Variants in ANKRD28 observed in about 807,000 individuals in gnomAD.
ANKRD28 encodes ankyrin repeat domain 28.
Under a neutral mutation model 126.5 loss-of-function variants are expected in ANKRD28, and 44 were observed. The ratio of observed to expected loss-of-function variants is 0.35; its 90% CI spans 0.27 to 0.45. The LOEUF is 0.45. ANKRD28 is among the 20% of genes least tolerant of loss of function. ANKRD28 has a pLI of 1.00. For synonymous variants in ANKRD28, 442 were observed against 468.5 expected (o/e 0.94, Z 0.73); for missense variants, 1,110 against 1,316.6 (o/e 0.84, Z 2.43).
chr3:15,814,593 C>T lies in ANKRD28; in HGVS notation c.28-19287G>A, dbSNP rs1280234819. On this transcript the variant is annotated intron_variant, in intron 1 of 27. Transcript: ENST00000399451. The surrounding 1 kb of genome is among the most constrained non-coding windows in gnomAD (Gnocchi z 4.7). ...AAGTGGTGTTTGTTTCTTAGAATTC[C>T]TAGCAACAAGTCATTCTCATAAATC... Among the ~76,000 whole-genome samples, 1 of 151,838 alleles carries T rather than the reference C, an allele frequency of 6.6e-6. No individual in the cohort carries two copies. Among genetic ancestry groups the T allele is most frequent in the African/African-American group, 2.4e-5 (1 of 41,364 alleles).
chr3:15,698,552 C>T (rs1440600161), intron 14 of ANKRD28, among the ~76,000 whole-genome samples: 1 of 152,180 alleles, frequency 6.6e-6, no homozygotes, highest in Non-Finnish European at 1.5e-5. Context: ...TCTCAGGATA[C>T]AAAATCAATG....
intron 4 of ANKRD28, among the ~76,000 whole-genome samples, chr3:15,742,967 G>A (rs1190541390): frequency 1.3e-5 from 2 of 151,844 alleles, no homozygotes; most frequent in Non-Finnish European, 2.9e-5. Flanking sequence ...TGAGAAATCG[G>A]ATGGTTGCCA....
At chr3:15,809,958 A>C (rs1482575433) in intron 1 of ANKRD28, among the ~76,000 whole-genome samples, 1 of 152,158 alleles carries the variant, frequency 6.6e-6, no homozygotes, top group Non-Finnish European at 1.5e-5. Context: ...TCTGCCTAGC[A>C]CATCCCCCTC....
At chr3:15,796,384 A>G in intron 1 of ANKRD28, 21 bp downstream of exon 1, 1 of 1,266,918 alleles carries the variant, frequency 7.9e-7, no homozygotes, top group Non-Finnish European at 1.0e-6. Flanking sequence ...TATAGTAAAC[A>G]TATAAACTTA....
intron 2 of ANKRD28, among the ~76,000 whole-genome samples, chr3:15,773,502 G>A (rs1449006649): frequency 6.6e-6 from 1 of 152,142 alleles, no homozygotes; most frequent in African/African-American, 2.4e-5. Flanking sequence ...GTGTGCGCCT[G>A]TAATCCCAGT....
At position 15,814,163 on chromosome 3, in the gene ANKRD28, A is replaced by T; in HGVS notation, c.28-18857T>A. 1.4e-6 allele frequency: 1 copy of T among 717,558 alleles called. No individual in the cohort carries two copies. The allele number at this position is 717,558 out of a possible 1,614,324, so 44.4% of individuals were successfully genotyped here. A position where few individuals can be genotyped will look rare whatever the true frequency, so the allele number is the denominator to read the frequency against. The stretch of plus-strand genomic sequence containing the variant: ...TATGTATGAAAGCTAAGTTACAAGG[A>T]GGCTTAAACAGCAACAAACTAACAA... On this transcript the variant is annotated intron_variant, in intron 1 of 27. Coordinates refer to the ANKRD28 transcript ENST00000399451. The surrounding 1 kb of genome is among the most constrained non-coding windows in gnomAD (Gnocchi z 4.7).
intron 6 of ANKRD28, 32 bp downstream of exon 6, chr3:15,735,375 TATA>T (rs746184144): frequency 4.8e-6 from 7 of 1,459,088 alleles, no homozygotes; most frequent in Non-Finnish European, 5.6e-6. Flanking sequence ...TTTCTAAATA[TATA>T]ATATCAAAAA....
chr3:15,815,488 G>A lies in ANKRD28; in HGVS notation c.28-20182C>T, dbSNP rs2060814046. On this transcript the variant is annotated intron_variant, in intron 1 of 27. Transcript: ENST00000399451. This position sits in a 1 kb window ranked among gnomAD's most constrained non-coding sequence, Gnocchi z 4.1. ...ATTTTTTAATTTGTTTGTAGAGATG[G>A]GGTCTCATTATGTTGCCTAGGCTGG... Among the ~76,000 whole-genome samples the A allele has an allele frequency of 6.6e-6, 1 of 152,022 alleles. No homozygotes were observed. The highest frequency in any genetic ancestry group is 6.6e-5 in the Admixed American group (1 of 15,256).
At chr3:15,858,420 G>C (rs1301538985) in intron 1 of ANKRD28, among the ~76,000 whole-genome samples, 2 of 152,134 alleles carry the variant, frequency 1.3e-5, no homozygotes, top group South Asian at 2.1e-4. Flanking sequence ...AGAATTTAAG[G>C]TGCAATCTTT....
At chr3:15,823,718 C>A (rs1325743113) in intron 1 of ANKRD28, among the ~76,000 whole-genome samples, 1 of 152,100 alleles carries the variant, frequency 6.6e-6, no homozygotes, top group Non-Finnish European at 1.5e-5. Context: ...GAATTGTAGA[C>A]CATGTCCAAG....
Position 15,737,035 on chromosome 3 carries a change from C to A in ANKRD28, c.550G>T (p.Glu184Ter). 1.2e-6 allele frequency: 2 copies of A among 1,613,930 alleles called. No homozygotes were observed. The highest frequency in any genetic ancestry group is 1.7e-6 in the Non-Finnish European group (2 of 1,179,852). ...LHHAAFSGHG[E>*]MVKLLLSRGA... ...TGGTCTAATTGAATGCCACCTACCTCACCATGTCCACTGAAAGCTGCATGA... is the reference window on the plus strand; with the variant it reads ...TGGTCTAATTGAATGCCACCTACCTAACCATGTCCACTGAAAGCTGCATGA... The change falls in exon 5 of 28, where the codon GAG (glutamate) becomes TAG (stop). Residue 184 changes from glutamate (E) to a stop codon, truncating the protein, a stop_gained and splice_region_variant. Coordinates refer to ENST00000683139, the MANE Select transcript of ANKRD28 (RefSeq NM_001349278.2). LOFTEE classifies it high-confidence loss of function.
At chr3:15,742,264 C>T (rs2057098320) in intron 4 of ANKRD28, among the ~76,000 whole-genome samples, 1 of 151,516 alleles carries the variant, frequency 6.6e-6, no homozygotes, top group Non-Finnish European at 1.5e-5. Flanking sequence ...GCGTCTCTGC[C>T]CGGCCGCCAT....
Position 15,725,483 on chromosome 3 carries a change from G to C in ANKRD28, c.641-959C>G, listed in dbSNP as rs1367156228. Among the ~76,000 whole-genome samples, 4 of 152,104 alleles carry C rather than the reference G, an allele frequency of 2.6e-5. No homozygotes were observed. The East Asian group carries it at 7.7e-4, about 29-fold the overall frequency. ...CTAATGCTGGCATACCATATTGTAT[G>C]TACTTTGCTTTATTGTGCTTTGCAA... On this transcript the variant is annotated intron_variant, in intron 6 of 27. Coordinates refer to ENST00000683139, the MANE Select transcript of ANKRD28 (RefSeq NM_001349278.2).
In ANKRD28 at chr3:15,838,564, G is replaced by A. The variant is rs181630884; in HGVS notation, c.27+20813C>T. Reference sequence around the variant, plus strand: ...GACCAGCCTCCAGCCTGGCCAACATGGTGAAACCCCATTTCTACTAAAAAT... The same window carrying A: ...GACCAGCCTCCAGCCTGGCCAACATAGTGAAACCCCATTTCTACTAAAAAT... On this transcript the variant is annotated intron_variant, in intron 1 of 27. Transcript: ENST00000399451. The surrounding 1 kb of genome is among the most constrained non-coding windows in gnomAD (Gnocchi z 4.0). 2.7e-3 allele frequency among the ~76,000 whole-genome samples: 414 copies of A among 152,122 alleles called. 4 individuals are homozygous for A. Among genetic ancestry groups the A allele is most frequent in the African/African-American group, 8.7e-3 (360 of 41,512 alleles).
chr3:15,806,091 C>T (rs1172185040), intron 1 of ANKRD28, among the ~76,000 whole-genome samples: 2 of 152,180 alleles, frequency 1.3e-5, no homozygotes, highest in Non-Finnish European at 2.9e-5. Flanking sequence ...TGTAATTTTA[C>T]ATAGCACCTT....
chr3:15,756,234 T>C (rs2058146983), intron 3 of ANKRD28, among the ~76,000 whole-genome samples: 1 of 152,148 alleles, frequency 6.6e-6, no homozygotes, highest in African/African-American at 2.4e-5. Context: ...ATAACACAAC[T>C]AAAAATCAAC....
Position 15,795,148 on chromosome 3 carries a change from AC to A in ANKRD28, c.201+74del. On this transcript the variant is annotated intron_variant, in intron 2 of 27. Transcript: ENST00000683139. ...TACAGAGTTATATTATGTCTTGTAA[AC>A]AAAAATCACAATTCTAGGAAAGAAT... The A allele has an allele frequency of 3.7e-6, 4 of 1,075,540 alleles. No individual in the cohort carries two copies. In the South Asian group the frequency reaches 5.3e-5, roughly 14 times the overall value. 66.6% of individuals were successfully genotyped at this position (1,075,540 alleles called of 1,614,324 possible).
intron 4 of ANKRD28, among the ~76,000 whole-genome samples, chr3:15,738,145 A>C (rs891675859): frequency 9.2e-5 from 14 of 152,152 alleles, no homozygotes; most frequent in Non-Finnish European, 1.6e-4. Flanking sequence ...TGATAATCCT[A>C]ATTTTTGGTA....
At chr3:15,700,544 G>A (rs565590197) in intron 14 of ANKRD28, among the ~76,000 whole-genome samples, 1 of 152,166 alleles carries the variant, frequency 6.6e-6, no homozygotes, top group Non-Finnish European at 1.5e-5. Flanking sequence ...GAGAGGCTGA[G>A]GCGGGCAGAT....
Sources: gnomAD v4.1 joint callset for allele counts (sites outside exome capture counted in the v4.1 genomes callset) on GRCh38, gnomAD v4.1.1 for gene constraint, Gnocchi (gnomAD v3.1) non-coding constraint, MANE v1.5 for transcripts, NCBI Gene and HGNC (gene_info 2026-07-23, HGNC 2026-07-21) for gene names.